The following PKP4 variants were observed in gnomAD, a reference collection of about 807,000 sequenced individuals.
PKP4 encodes the protein plakophilin 4, also known as plakophilin-4.
A neutral mutation model predicts 145.1 loss-of-function variants in PKP4; 90 were observed. The observed-to-expected ratio is 0.62, with a 90% confidence interval of 0.52 to 0.74. The LOEUF (loss-of-function observed/expected upper bound fraction) is 0.74. PKP4 is among the 30% of genes least tolerant of loss of function. The pLI, the probability that PKP4 is intolerant of heterozygous loss-of-function variation, is 0.00. For missense variants in PKP4, 1,340 were observed against 1,482.7 expected, an observed-to-expected ratio of 0.90 and a Z score of 1.58; for synonymous variants, 563 against 577.2, an observed-to-expected ratio of 0.98 and a Z score of 0.35.
At chr2:158,648,031 C>T (rs2054989553) in intron 11 of PKP4, among the ~76,000 whole-genome samples, 1 of 152,192 alleles carries the variant, frequency 6.6e-6, no homozygotes, top group Non-Finnish European at 1.5e-5. Flanking sequence ...GAAGATATTG[C>T]ACAAATCTGG....
intron 6 of PKP4, 69 bp downstream of exon 6, chr2:158,621,490 A>G: frequency 3.7e-6 from 5 of 1,356,832 alleles, no homozygotes; most frequent in Non-Finnish European, 5.2e-6. Flanking sequence ...TCATGCCTGT[A>G]ATCCCAGCAT....
At chr2:158,470,550 A>C (rs1255509710) in intron 1 of PKP4, among the ~76,000 whole-genome samples, 1 of 152,206 alleles carries the variant, frequency 6.6e-6, no homozygotes, top group Non-Finnish European at 1.5e-5. Context: ...AACACAACAC[A>C]ATCTAATTCA....
chr2:158,548,535 G>T, intron 2 of PKP4: 1 of 157,558 alleles, frequency 6.3e-6, no homozygotes, highest in South Asian at 1.8e-4. Flanking sequence ...AAAGACCTGA[G>T]AATTTTGGCA....
rs534480002 is a variant in PKP4 at position 158,553,579 on chromosome 2, C to T, written c.132+20263C>T. 2.6e-5 allele frequency among the ~76,000 whole-genome samples: 4 copies of T among 152,244 alleles called. No individual in the cohort carries two copies. In the South Asian group the frequency reaches 8.3e-4, roughly 32 times the overall value. On this transcript the variant is annotated intron_variant, in intron 2 of 21. Transcript: ENST00000389759. ...TGCTCAGTTGCAAATATGTGGTCCC[C>T]TTAAAGAAAAGGAAAAATGACTTCA...
intron 2 of PKP4, among the ~76,000 whole-genome samples, chr2:158,562,678 T>C (rs905435255): frequency 1.3e-5 from 2 of 152,228 alleles, no homozygotes; most frequent in African/African-American, 4.8e-5. Context: ...ATCACCTGTT[T>C]AAAATATCAT....
intron 8 of PKP4, among the ~76,000 whole-genome samples, chr2:158,633,763 T>C (rs1215319190): frequency 6.6e-6 from 1 of 152,258 alleles, no homozygotes; most frequent in Non-Finnish European, 1.5e-5. Flanking sequence ...TGCTATTTTA[T>C]CATTTATCTC....
At chr2:158,462,366 A>AT (rs1361291592) in intron 1 of PKP4, among the ~76,000 whole-genome samples, 1 of 67,612 alleles carries the variant, frequency 1.5e-5, no homozygotes, top group Non-Finnish European at 2.8e-5. Context: ...GTTTTTAAAA[A>AT]TTTTTCTTAA....
At chr2:158,668,387 C>T (rs1358975914) in intron 16 of PKP4, among the ~76,000 whole-genome samples, 1 of 152,158 alleles carries the variant, frequency 6.6e-6, no homozygotes, top group Non-Finnish European at 1.5e-5. Flanking sequence ...AAAGGACTTT[C>T]TTTTCAGAGC....
intron 2 of PKP4, among the ~76,000 whole-genome samples, chr2:158,554,527 A>G (rs887184661): frequency 5.3e-5 from 8 of 151,088 alleles, no homozygotes; most frequent in South Asian, 2.1e-4. Flanking sequence ...CCAGGTTCAC[A>G]CCATTCTCCT....
intron 11 of PKP4, among the ~76,000 whole-genome samples, chr2:158,649,541 G>A (rs2711066): frequency 0.78 from 118,787 of 152,106 alleles, 49,029 homozygotes; most frequent in East Asian, 0.97. Flanking sequence ...TGCTTAGGAA[G>A]TCTATGAAAC....
intron 3 of PKP4, among the ~76,000 whole-genome samples, chr2:158,580,651 A>C (rs1386626848): frequency 6.6e-6 from 1 of 152,206 alleles, no homozygotes; most frequent in Non-Finnish European, 1.5e-5. Flanking sequence ...CAGAATAAAG[A>C]GGCCAGGCAG....
chr2:158,611,138 C>A (rs928677795), intron 4 of PKP4, among the ~76,000 whole-genome samples: 3 of 152,096 alleles, frequency 2.0e-5, no homozygotes. Flanking sequence ...AGTAACAATT[C>A]TGTGCAGTTA....
At position 158,481,536 on chromosome 2, in the gene PKP4, A is replaced by T. The variant is rs377176271; in HGVS notation, c.-6+24318A>T. ...GAGTATGAGGGTTCCACTCCTCCAC[A>T]TTCTCACCAACGCATGTTATTGTCT... On this transcript the variant is annotated intron_variant, in intron 1 of 21. Coordinates refer to ENST00000389759, the MANE Select transcript of PKP4 (RefSeq NM_003628.6). Among the ~76,000 whole-genome samples, 16 of 152,242 alleles carry T rather than the reference A, an allele frequency of 1.1e-4. No individual in the cohort carries two copies. The South Asian group carries it at 3.3e-3, about 32-fold the overall frequency.
intron 2 of PKP4, among the ~76,000 whole-genome samples, chr2:158,571,344 AG>A (rs1240601341): frequency 6.6e-6 from 1 of 152,184 alleles, no homozygotes; most frequent in East Asian, 1.9e-4. Context: ...CAAGAATGTA[AG>A]GGGGCTATGG....
intron 21 of PKP4, among the ~76,000 whole-genome samples, chr2:158,679,649 G>A (rs1452064947): frequency 6.6e-6 from 1 of 152,228 alleles, no homozygotes; most frequent in African/African-American, 2.4e-5. Context: ...GAAGAAATTA[G>A]TGTGAGGTCA....
chr2:158,494,099 A>G (rs922381446), intron 1 of PKP4, among the ~76,000 whole-genome samples: 30 of 152,306 alleles, frequency 2.0e-4, no homozygotes, highest in Middle Eastern at 3.4e-3. Context: ...TTAAAAGGTA[A>G]ACACTGATGA....
At chr2:158,542,267 C>T (rs559938992) in intron 2 of PKP4, among the ~76,000 whole-genome samples, 1 of 152,184 alleles carries the variant, frequency 6.6e-6, no homozygotes, top group Admixed American at 6.6e-5. Context: ...AATGTAAGCT[C>T]TTAACAGCAG....
chr2:158,517,569 G>A (rs749551949), intron 1 of PKP4, among the ~76,000 whole-genome samples: 8 of 152,118 alleles, frequency 5.3e-5, no homozygotes, highest in South Asian at 2.1e-4. Context: ...TGGTTGATAC[G>A]TAAGTAGATC....
At chr2:158,629,058 G>A (rs535550828) in intron 7 of PKP4, among the ~76,000 whole-genome samples, 2 of 152,220 alleles carry the variant, frequency 1.3e-5, no homozygotes, top group African/African-American at 4.8e-5. Context: ...GTATTCATGG[G>A]CTCCATAAAG....
Sources: gnomAD v4.1 joint callset for allele counts (sites outside exome capture counted in the v4.1 genomes callset) on GRCh38, gnomAD v4.1.1 for gene constraint, MANE v1.5 for transcripts, NCBI Gene and HGNC (gene_info 2026-07-23, HGNC 2026-07-21) for gene names.